PRR14L: variants seen among roughly 807,000 people sequenced by gnomAD.
PRR14L encodes protein PRR14L.
PRR14L carries 80 observed loss-of-function variants against 155.0 expected under a neutral mutation model. The ratio of observed to expected loss-of-function variants is 0.52; its 90% CI spans 0.43 to 0.62. PRR14L has a LOEUF of 0.62. PRR14L is among the 20% of genes least tolerant of loss of function. PRR14L has a pLI of 0.00. For missense variants in PRR14L, 2,469 were observed against 2,548.0 expected (o/e 0.97, Z 0.67); for synonymous variants, 883 against 916.0 (o/e 0.96, Z 0.65).
chr22:31,686,538 T>C (rs1315671794), intron 8 of PRR14L, among the ~76,000 whole-genome samples: 1 of 152,122 alleles, frequency 6.6e-6, no homozygotes, highest in Non-Finnish European at 1.5e-5. Context: ...GCTATCCTCC[T>C]ACCTGAGCCT....
intron 2 of PRR14L, among the ~76,000 whole-genome samples, chr22:31,733,617 A>AT (rs1213072698): frequency 3.3e-5 from 5 of 151,878 alleles, no homozygotes; most frequent in Non-Finnish European, 5.9e-5. Context: ...AGGTTTCCTT[A>AT]AAGTGTTCGG....
intron 4 of PRR14L, among the ~76,000 whole-genome samples, chr22:31,708,086 T>C (rs1459195428): frequency 5.9e-5 from 9 of 151,530 alleles, no homozygotes; most frequent in African/African-American, 1.9e-4. Flanking sequence ...GAGGCAGAGG[T>C]TGCGGTGAGC....
chr22:31,739,606 T>A (rs535575970), intron 1 of PRR14L, among the ~76,000 whole-genome samples: 1 of 152,152 alleles, frequency 6.6e-6, no homozygotes, highest in Non-Finnish European at 1.5e-5. Flanking sequence ...TTGAGCTAAG[T>A]AGGGCAGCTA....
At chr22:31,718,683 A>G (rs972396615) in intron 3 of PRR14L, among the ~76,000 whole-genome samples, 2 of 152,198 alleles carry the variant, frequency 1.3e-5, no homozygotes, top group Non-Finnish European at 2.9e-5. Flanking sequence ...TGACTAGCAC[A>G]CTATACACAT....
chr22:31,732,343 T>C (rs1666796074), intron 2 of PRR14L, among the ~76,000 whole-genome samples: 1 of 152,162 alleles, frequency 6.6e-6, no homozygotes, highest in Admixed American at 6.5e-5. Context: ...AACTAGAGTT[T>C]GGGAGTTTCC....
chr22:31,741,300 A>G (rs2074811939), intron 1 of PRR14L, among the ~76,000 whole-genome samples: 2 of 150,406 alleles, frequency 1.3e-5, no homozygotes. Flanking sequence ...AGTCTCCACT[A>G]AAAATACCAA....
intron 7 of PRR14L, among the ~76,000 whole-genome samples, chr22:31,688,528 G>A (rs1395852803): frequency 6.6e-6 from 1 of 151,992 alleles, no homozygotes; most frequent in African/African-American, 2.4e-5. Flanking sequence ...GCTCCAACCT[G>A]TCTGTAATAT....
rs1056699143 is a variant in PRR14L at position 31,715,983 on chromosome 22, T to G, written c.1856A>C (p.Asp619Ala). ...GCTCTGTTCATCTAAAAGTGGAATATCATCATGTGAGGTCTGTATAACTTT... is the reference window on the plus strand; with the variant it reads ...GCTCTGTTCATCTAAAAGTGGAATAGCATCATGTGAGGTCTGTATAACTTT... Reference protein sequence around the residue: ...SEKVIQTSHDDIPLLDEQSIA... With the variant: ...SEKVIQTSHDAIPLLDEQSIA... Residue 619 changes from aspartate (D) to alanine (A), a missense_variant, in exon 4 of 9, where the codon GAT becomes GCT. Asp to Ala is a moderately radical substitution (Grantham distance 126). Coordinates refer to ENST00000327423, the MANE Select transcript of PRR14L (RefSeq NM_173566.3). 5 of 1,551,398 alleles carry G rather than the reference T, an allele frequency of 3.2e-6. No homozygotes were observed. Among genetic ancestry groups the G allele is most frequent in the Non-Finnish European group, 4.4e-6 (5 of 1,146,980 alleles).
At chr22:31,708,695 T>G (rs897294506) in intron 4 of PRR14L, among the ~76,000 whole-genome samples, 1 of 152,142 alleles carries the variant, frequency 6.6e-6, no homozygotes, top group African/African-American at 2.4e-5. Context: ...GGCTGGAATA[T>G]AGTGGCACGA....
Position 31,714,260 on chromosome 22 carries a change from T to G in PRR14L, c.3579A>C (p.Thr1193=). ...QQDKGTSLRE[T]QEMTEGSRLE... ...GTCTTGATCCTTCAGTCATTTCTTG[T>G]GTTTCTCTGAGAGATGTTCCTTTAT... The change falls in exon 4 of 9, where the codon ACA becomes ACC. Residue 1193 remains threonine (T), a synonymous_variant. Transcript: ENST00000327423. 6.4e-7 allele frequency: 1 copy of G among 1,551,408 alleles called. No homozygotes were observed.
chr22:31,725,181 G>T (rs550897486), intron 3 of PRR14L, among the ~76,000 whole-genome samples: 1 of 152,212 alleles, frequency 6.6e-6, no homozygotes, highest in South Asian at 2.1e-4. Context: ...GATCACTTGA[G>T]CCCAGGAGTT....
intron 4 of PRR14L, among the ~76,000 whole-genome samples, chr22:31,709,264 T>G (rs2074607983): frequency 6.6e-6 from 1 of 151,134 alleles, no homozygotes; most frequent in African/African-American, 2.4e-5. Context: ...GTTTTTTTTT[T>G]TTTTTGGAGA....
chr22:31,713,397 TC>T lies in PRR14L; in HGVS notation c.4441del (p.Glu1481SerfsTer38). 1 of 1,551,976 alleles carries T rather than the reference TC, an allele frequency of 6.4e-7. No individual in the cohort carries two copies. Among genetic ancestry groups the T allele is most frequent in the Non-Finnish European group, 8.7e-7 (1 of 1,147,054 alleles). ...AAGAAGGCAAGGACTTGTGCATGAC[TC>T]AGTGTCCTTCCTTAATGGATGATGT... ...RLHHPLRKDT[E>X]SCTSPCLLGA... On this transcript the variant is annotated frameshift_variant, in exon 4 of 9. Coordinates refer to ENST00000327423, the MANE Select transcript of PRR14L (RefSeq NM_173566.3). LOFTEE classifies it high-confidence loss of function.
intron 8 of PRR14L, 148 bp from the exon 9 acceptor site, chr22:31,685,951 T>C: frequency 1.4e-6 from 1 of 728,658 alleles, no homozygotes; most frequent in Non-Finnish European, 2.2e-6. Context: ...CTTTTTTTTG[T>C]GAGACAGAAT....
At position 31,683,101 on chromosome 22, in the gene PRR14L, A is replaced by T. The variant is rs115613026; in HGVS notation, c.*2426T>A. 1.3e-5 allele frequency: 2 copies of T among 152,304 alleles called. No individual in the cohort carries two copies. The highest frequency in any genetic ancestry group is 4.8e-5 in the African/African-American group (2 of 41,544). 9.4% of individuals were successfully genotyped at this position (152,304 alleles called of 1,614,324 possible). ...CGACGGGCAGGGCTGGCCTCACAAC[A>T]ACTCCTCTCCTACATTGTCAGGACA... On this transcript the variant is annotated 3_prime_UTR_variant, in exon 9 of 9. Coordinates refer to ENST00000327423, the MANE Select transcript of PRR14L (RefSeq NM_173566.3).
At chr22:31,737,636 A>AG (rs1021420352) in intron 2 of PRR14L, among the ~76,000 whole-genome samples, 6 of 151,850 alleles carry the variant, frequency 4.0e-5, no homozygotes, top group Non-Finnish European at 7.4e-5. Context: ...AAAAAAAAAA[A>AG]AAGAAGAAAA....
intron 3 of PRR14L, among the ~76,000 whole-genome samples, chr22:31,718,826 C>T (rs1569499209): frequency 1.3e-5 from 2 of 152,082 alleles, no homozygotes; most frequent in Non-Finnish European, 2.9e-5. Flanking sequence ...GTAATCCCAG[C>T]ATTTTGGGAG....
intron 2 of PRR14L, among the ~76,000 whole-genome samples, chr22:31,730,166 G>A (rs966046015): frequency 1.9e-4 from 29 of 149,436 alleles, no homozygotes; most frequent in Non-Finnish European, 4.0e-4. Flanking sequence ...ATCGCCGGGC[G>A]CTGTGGCTCA....
rs550036742 is a variant in PRR14L at position 31,747,756 on chromosome 22, C to A, written c.-52+2237G>T. Among the ~76,000 whole-genome samples the A allele has an allele frequency of 2.3e-3, 345 of 150,184 alleles. 2 individuals are homozygous for A. The highest frequency in any genetic ancestry group is 8.2e-3 in the African/African-American group (334 of 40,862). ...TTTACATACAAAAAAAGATGGTAAG[C>A]GTTTCTTTAGTGTGCTTTCAGGTAA... On this transcript the variant is annotated intron_variant, in intron 1 of 8. Coordinates refer to ENST00000327423, the MANE Select transcript of PRR14L (RefSeq NM_173566.3).
Sources: gnomAD v4.1 joint callset for allele counts (sites outside exome capture counted in the v4.1 genomes callset) on GRCh38, gnomAD v4.1.1 for gene constraint, MANE v1.5 for transcripts, NCBI Gene and HGNC (gene_info 2026-07-23, HGNC 2026-07-21) for gene names.